The following MAP2K1 variants were observed in gnomAD, a reference collection of about 807,000 sequenced individuals.
The protein encoded by MAP2K1 is mitogen-activated protein kinase kinase 1.
MAP2K1 carries 16 observed loss-of-function variants against 46.3 expected under a neutral mutation model. That is an observed-to-expected ratio of 0.35 (90% CI 0.23 to 0.52). The LOEUF (loss-of-function observed/expected upper bound fraction) is 0.52, where lower values mean the gene tolerates loss of function less well. Among genes scored for constraint, MAP2K1 ranks in the 20% least tolerant of loss-of-function variants. MAP2K1 has a pLI of 0.94. For missense variants in MAP2K1, 263 were observed against 497.1 expected (o/e 0.53, Z 4.48); for synonymous variants, 183 against 185.6 (o/e 0.99, Z 0.11).
intron 1 of MAP2K1, among the ~76,000 whole-genome samples, chr15:66,416,356 C>G (rs1159011562): frequency 6.6e-6 from 1 of 151,750 alleles, no homozygotes; most frequent in Non-Finnish European, 1.5e-5. Flanking sequence ...ACAATCCCCC[C>G]CAAACACACA....
chr15:66,420,893 A>G lies in MAP2K1; in HGVS notation c.81-14134A>G, dbSNP rs2093439615. On this transcript the variant is annotated intron_variant, in intron 1 of 10. Coordinates refer to ENST00000307102, the MANE Select transcript of MAP2K1 (RefSeq NM_002755.4). ...TGTGTGTATATATATGTGTATATAT[A>G]CACATACATACATACACACACATAC... Among the ~76,000 whole-genome samples the G allele has an allele frequency of 2.4e-5, 3 of 124,254 alleles. No homozygotes were observed. The Admixed American group carries it at 2.5e-4, about 10-fold the overall frequency. 81.5% of individuals were successfully genotyped at this position (124,254 alleles called of 152,430 possible).
intron 10 of MAP2K1, 63 bp downstream of exon 10, chr15:66,489,826 C>A: frequency 7.3e-7 from 1 of 1,377,300 alleles, no homozygotes; most frequent in Non-Finnish European, 1.0e-6. Context: ...CTCTGTCAGT[C>A]ATCTGTGCAG....
chr15:66,443,945 A>C (rs1891789538), intron 4 of MAP2K1, among the ~76,000 whole-genome samples: 1 of 151,086 alleles, frequency 6.6e-6, no homozygotes, highest in Non-Finnish European at 1.5e-5. Flanking sequence ...ACAAAAGAGT[A>C]AAAAATAAGG....
chr15:66,419,806 T>TTTTG (rs1363811062), intron 1 of MAP2K1, among the ~76,000 whole-genome samples: 3 of 152,136 alleles, frequency 2.0e-5, no homozygotes, highest in Non-Finnish European at 2.9e-5. Context: ...CAGGGGGTGT[T>TTTTG]TTTGTTTGTT....
intron 5 of MAP2K1, among the ~76,000 whole-genome samples, chr15:66,456,059 G>A (rs1344982018): frequency 6.6e-6 from 1 of 152,122 alleles, no homozygotes; most frequent in Non-Finnish European, 1.5e-5. Context: ...ATGCTCCTCC[G>A]TGTCTATTCG....
At chr15:66,453,614 A>T in intron 5 of MAP2K1, 1 of 701,340 alleles carries the variant, frequency 1.4e-6, no homozygotes, top group East Asian at 2.7e-5. Context: ...GTCCCTGCCT[A>T]TGGGCTTCCT....
At chr15:66,391,331 C>T (rs1731257645) in intron 1 of MAP2K1, among the ~76,000 whole-genome samples, 1 of 152,230 alleles carries the variant, frequency 6.6e-6, no homozygotes, top group Non-Finnish European at 1.5e-5. Flanking sequence ...CTCTATCGCC[C>T]AGGCTGGAAT....
At chr15:66,488,338 G>A (rs146546295) in intron 8 of MAP2K1, among the ~76,000 whole-genome samples, 1 of 152,314 alleles carries the variant, frequency 6.6e-6, no homozygotes, top group African/African-American at 2.4e-5. Flanking sequence ...AGACTGACAT[G>A]GCCCTCAAAG....
chr15:66,404,586 C>T (rs193181752), intron 1 of MAP2K1, among the ~76,000 whole-genome samples: 37 of 152,230 alleles, frequency 2.4e-4, no homozygotes, highest in Non-Finnish European at 4.6e-4. Context: ...AAAAGTAGTT[C>T]TAAAGCATTT....
chr15:66,458,280 C>G (rs1892223732), intron 5 of MAP2K1, among the ~76,000 whole-genome samples: 1 of 152,132 alleles, frequency 6.6e-6, no homozygotes, highest in Admixed American at 6.6e-5. Flanking sequence ...ATTATCAAGG[C>G]CTTATTTTGA....
intron 1 of MAP2K1, among the ~76,000 whole-genome samples, chr15:66,425,370 T>C (rs1179367184): frequency 2.6e-5 from 4 of 151,874 alleles, no homozygotes; most frequent in Non-Finnish European, 5.9e-5. Context: ...TGTGCTTCAC[T>C]CAATTTAGCA....
At chr15:66,441,294 C>T (rs914082285) in intron 3 of MAP2K1, among the ~76,000 whole-genome samples, 1 of 152,140 alleles carries the variant, frequency 6.6e-6, no homozygotes, top group Non-Finnish European at 1.5e-5. Context: ...AGAGATATTT[C>T]TCTTACCAAC....
intron 5 of MAP2K1, among the ~76,000 whole-genome samples, chr15:66,463,069 C>T (rs1301876650): frequency 3.9e-5 from 6 of 152,144 alleles, no homozygotes; most frequent in Admixed American, 1.3e-4. Flanking sequence ...TCAACCTGAC[C>T]CTCTTAGCAC....
intron 5 of MAP2K1, among the ~76,000 whole-genome samples, chr15:66,458,786 G>T (rs1442422293): frequency 6.6e-6 from 1 of 152,188 alleles, no homozygotes; most frequent in East Asian, 1.9e-4. Flanking sequence ...CTCCCTAAGT[G>T]TGGGACTACT....
intron 1 of MAP2K1, among the ~76,000 whole-genome samples, chr15:66,420,218 T>A (rs2093434561): frequency 6.6e-6 from 1 of 152,068 alleles, no homozygotes; most frequent in African/African-American, 2.4e-5. Context: ...CACTTCAGCC[T>A]GGGTGACAGA....
intron 1 of MAP2K1, among the ~76,000 whole-genome samples, chr15:66,396,584 C>T (rs1270804161): frequency 5.3e-5 from 8 of 151,786 alleles, no homozygotes; most frequent in Non-Finnish European, 1.2e-4. Context: ...TGGTACCGAT[C>T]TTTCAAGATC....
intron 5 of MAP2K1, among the ~76,000 whole-genome samples, chr15:66,461,501 TAAATAAATAAATAATA>T (rs1722406592): frequency 6.7e-6 from 1 of 149,974 alleles, no homozygotes; most frequent in Non-Finnish European, 1.5e-5. Context: ...AATAAATAAA[TAAATAAATAAATAATA>T]AAATAATAAT....
At chr15:66,397,320 G>A (rs1195851774) in intron 1 of MAP2K1, among the ~76,000 whole-genome samples, 2 of 152,204 alleles carry the variant, frequency 1.3e-5, no homozygotes, top group African/African-American at 2.4e-5. Flanking sequence ...CTTCTTAATG[G>A]TGTGACCTCG....
chr15:66,433,686 C>G (rs2414905), intron 1 of MAP2K1, among the ~76,000 whole-genome samples: 41,982 of 151,848 alleles, frequency 0.28, 6,435 homozygotes, highest in South Asian at 0.37. Context: ...ATCTTTTAAG[C>G]TCAGAACTGG....
Sources: gnomAD v4.1 joint callset for allele counts (sites outside exome capture counted in the v4.1 genomes callset) on GRCh38, gnomAD v4.1.1 for gene constraint, MANE v1.5 for transcripts, NCBI Gene and HGNC (gene_info 2026-07-23, HGNC 2026-07-21) for gene names.